HEG1: variants seen among roughly 807,000 people sequenced by gnomAD.
HEG1 encodes the protein protein HEG homolog 1.
In HEG1, 56 loss-of-function variants were observed where a neutral mutation model predicts 125.6. The ratio of observed to expected loss-of-function variants is 0.45; its 90% CI spans 0.36 to 0.56. The LOEUF is 0.56. HEG1 is among the 20% of genes least tolerant of loss of function. The probability of loss-of-function intolerance (pLI) is 0.00; values close to 1 mark genes in which losing one functional copy is unlikely to be tolerated. For missense variants in HEG1, 1,523 were observed against 1,670.0 expected, an observed-to-expected ratio of 0.91 and a Z score of 1.53; for synonymous variants, 644 against 668.5, an observed-to-expected ratio of 0.96 and a Z score of 0.57.
chr3:125,016,063 G>A (rs1937241859), intron 5 of HEG1, among the ~76,000 whole-genome samples: 1 of 152,216 alleles, frequency 6.6e-6, no homozygotes, highest in South Asian at 2.1e-4. Context: ...AACCAGGAGA[G>A]GCGCAAGAGC....
chr3:125,002,334 C>T lies in HEG1; in HGVS notation c.3298-19G>A, dbSNP rs1937013320. 4 of 1,608,034 alleles carry T rather than the reference C, an allele frequency of 2.5e-6. No homozygotes were observed. In the African/African-American group the frequency reaches 5.3e-5, roughly 21 times the overall value. On this transcript the variant is annotated intron_variant, in intron 9 of 16. Coordinates refer to ENST00000311127, the MANE Select transcript of HEG1 (RefSeq NM_020733.2). ...TATTTAACTGAAAGGAAGAACAAGC[C>T]TGTCGTTAACAGTGAGTTAGACAAA...
At position 125,027,497 on chromosome 3, in the gene HEG1, A is replaced by C. The variant is rs201295478; in HGVS notation, c.621T>G (p.Ser207Arg). 1 of 1,600,638 alleles carries C rather than the reference A, an allele frequency of 6.2e-7. No homozygotes were observed. The highest frequency in any genetic ancestry group is 8.5e-7 in the Non-Finnish European group (1 of 1,174,608). Residue 207 changes from serine to arginine, a missense_variant, in exon 3 of 17, where the codon AGT (serine) becomes AGG (arginine). Transcript: ENST00000311127. ...TSQSGNLASE[S>R]LHLPSSSSEF... Reference sequence around the variant, plus strand: ...CTGAACTGCTGGATGGCAGGTGAAGACTTTCTGAGGCTGAAAACAGACAAA... The same window carrying C: ...CTGAACTGCTGGATGGCAGGTGAAGCCTTTCTGAGGCTGAAAACAGACAAA...
chr3:125,030,793 C>G (rs1036921165), intron 1 of HEG1, among the ~76,000 whole-genome samples: 1 of 152,008 alleles, frequency 6.6e-6, no homozygotes, highest in Admixed American at 6.6e-5. Context: ...TTGCCCAAGT[C>G]GCACAGTCAA....
chr3:125,019,219 C>T lies in HEG1; in HGVS notation c.1588+43G>A, dbSNP rs1317646973. The T allele has an allele frequency of 5.3e-6, 8 of 1,505,824 alleles. No individual in the cohort carries two copies. In the South Asian group the frequency reaches 9.3e-5, roughly 18 times the overall value. The allele number at this position is 1,505,824 out of a possible 1,614,324, so 93.3% of individuals were successfully genotyped here. A position where few individuals can be genotyped will look rare whatever the true frequency, so the allele number is the denominator to read the frequency against. On this transcript the variant is annotated intron_variant, in intron 5 of 16. Coordinates refer to ENST00000311127, the MANE Select transcript of HEG1 (RefSeq NM_020733.2). ...GATTTCATAAGCATCATGAGTCCCTCTCTCCTCTATGGGGCACAGTTGCAT... is the reference window on the plus strand; with the variant it reads ...GATTTCATAAGCATCATGAGTCCCTTTCTCCTCTATGGGGCACAGTTGCAT...
intron 5 of HEG1, chr3:125,014,942 A>T (rs1287847581): frequency 2.0e-5 from 26 of 1,289,010 alleles, no homozygotes; most frequent in Non-Finnish European, 2.6e-5. Flanking sequence ...AGGGCACCCC[A>T]GAAGTCCTGT....
Position 125,030,807 on chromosome 3 carries a change from G to GC in HEG1, c.317-1320dup, listed in dbSNP as rs556228195. 7.9e-5 allele frequency among the ~76,000 whole-genome samples: 12 copies of GC among 152,182 alleles called. No homozygotes were observed. The South Asian group carries it at 2.5e-3, about 32-fold the overall frequency. The stretch of plus-strand genomic sequence containing the variant: ...CTTGCCCAAGTCGCACAGTCAAAAA[G>GC]CAGGAGGGCCAGGCAGCCTGCTCCA... On this transcript the variant is annotated intron_variant, in intron 1 of 16. Coordinates refer to ENST00000311127, the MANE Select transcript of HEG1 (RefSeq NM_020733.2).
At chr3:124,977,818 G>A in intron 15 of HEG1, 41 bp downstream of exon 15, 1 of 1,335,758 alleles carries the variant, frequency 7.5e-7, no homozygotes, top group South Asian at 1.3e-5. Flanking sequence ...GTATAGCACA[G>A]GCAAAGGAAC....
chr3:125,003,258 C>T (rs370992358), intron 9 of HEG1, among the ~76,000 whole-genome samples: 134 of 152,258 alleles, frequency 8.8e-4, no homozygotes, highest in Middle Eastern at 3.4e-3. Context: ...TGTTACATCA[C>T]CAGTAAATTA....
chr3:124,970,804 G>A lies in HEG1; in HGVS notation c.3997-3C>T, dbSNP rs1399270987. On this transcript the variant is annotated splice_region_variant and splice_polypyrimidine_tract_variant and intron_variant, in intron 16 of 16. Transcript: ENST00000311127. The stretch of plus-strand genomic sequence containing the variant: ...TCTGGATTCCTTACACTTGTAGGCT[G>A]GTTGCCAAAGAGAAAAGAAGAAAAG... 1 of 1,604,494 alleles carries A rather than the reference G, an allele frequency of 6.2e-7. No homozygotes were observed. Among genetic ancestry groups the A allele is most frequent in the South Asian group, 1.1e-5 (1 of 88,608 alleles).
At chr3:125,018,644 G>C (rs1937288195) in intron 5 of HEG1, among the ~76,000 whole-genome samples, 1 of 152,164 alleles carries the variant, frequency 6.6e-6, no homozygotes, top group African/African-American at 2.4e-5. Flanking sequence ...GACTGAGGCA[G>C]GTATGGAGTT....
chr3:125,022,927 C>T (rs745773691), intron 3 of HEG1, among the ~76,000 whole-genome samples: 1 of 152,196 alleles, frequency 6.6e-6, no homozygotes, highest in African/African-American at 2.4e-5. Context: ...GGTGCAGTGG[C>T]TCATGCCTGT....
chr3:124,981,468 G>A lies in HEG1; in HGVS notation c.3734-3522C>T, dbSNP rs930421417. Among the ~76,000 whole-genome samples, 3 of 152,232 alleles carry A rather than the reference G, an allele frequency of 2.0e-5. No homozygotes were observed. In the South Asian group the frequency reaches 6.2e-4, roughly 32 times the overall value. On this transcript the variant is annotated intron_variant, in intron 14 of 16. Transcript: ENST00000311127. ...CAAGTTGTGTAGCACTGGCATAGAC[G>A]AGGGCTTCTCAAACTCCCGTCTGCG...
Position 125,013,642 on chromosome 3 carries a change from G to C in HEG1, c.1937C>G (p.Ser646Trp). 6.2e-7 allele frequency: 1 copy of C among 1,611,412 alleles called. No homozygotes were observed. The highest frequency in any genetic ancestry group is 8.5e-7 in the Non-Finnish European group (1 of 1,178,746). Residue 646 changes from serine to tryptophan, a missense_variant, in exon 6 of 17, where the codon TCG becomes TGG. Ser to Trp is a radical substitution (Grantham distance 177). Coordinates refer to ENST00000311127, the MANE Select transcript of HEG1 (RefSeq NM_020733.2). ...YTPTINMPNTSVVLDTDAEFV... is the reference protein window; with the variant it reads ...YTPTINMPNTWVVLDTDAEFV... ...CTCAGCATCAGTGTCCAGAACAACC[G>C]AAGTGTTCGGCATATTAATGGTGGG... is the stretch of plus-strand genomic sequence containing the variant.
intron 1 of HEG1, among the ~76,000 whole-genome samples, chr3:125,033,036 T>C (rs1040236476): frequency 6.6e-6 from 1 of 152,064 alleles, no homozygotes; most frequent in Non-Finnish European, 1.5e-5. Flanking sequence ...GAGGGGTGAC[T>C]AAAGATGTAA....
At chr3:125,050,635 T>A (rs1937783950) in intron 1 of HEG1, among the ~76,000 whole-genome samples, 1 of 152,226 alleles carries the variant, frequency 6.6e-6, no homozygotes. Context: ...CAGTTGTGAA[T>A]CACTCATGCA....
rs764354691 is a variant in HEG1, at chr3:125,029,266, T to G, written c.539A>C (p.Asn180Thr). 1.2e-6 allele frequency: 2 copies of G among 1,613,522 alleles called. No individual in the cohort carries two copies. The highest frequency in any genetic ancestry group is 2.7e-5 in the African/African-American group (2 of 74,910). The change falls in exon 2 of 17, where the codon AAC becomes ACC. Residue 180 changes from asparagine to threonine, a missense_variant. Physicochemically the swap from Asn to Thr is moderately conservative, Grantham distance 65. Coordinates refer to ENST00000311127, the MANE Select transcript of HEG1 (RefSeq NM_020733.2). ...GTACCCAACAGGCAAAATGGTGAAGTTTGTTCTACTTGAAGAGCCGCTCCT... is the reference window on the plus strand; with the variant it reads ...GTACCCAACAGGCAAAATGGTGAAGGTTGTTCTACTTGAAGAGCCGCTCCT... The part of the protein sequence containing the change: ...RGRSGSSSRT[N>T]FTILPVGYSL...
chr3:124,987,952 C>CACACACACACACACACACACACATAT lies in HEG1; in HGVS notation c.3733+2834_3733+2835insATATGTGTGTGTGTGTGTGTGTGTGT. 1.3e-4 allele frequency among the ~76,000 whole-genome samples: 7 copies of CACACACACACACACACACACACATAT among 54,702 alleles called. 1 individual carries two copies. Among genetic ancestry groups the CACACACACACACACACACACACATAT allele is most frequent in the South Asian group, 1.9e-3 (2 of 1,026 alleles). The allele number at this position is 54,702 out of a possible 152,430, so 35.9% of individuals were successfully genotyped here. On this transcript the variant is annotated intron_variant, in intron 14 of 16. Transcript: ENST00000311127. ...ACACACACACACACACACACACACA[C>CACACACACACACACACACACACATAT]ATATATATATATATATATATATACC...
At position 125,021,045 on chromosome 3, in the gene HEG1, G is replaced by C; in HGVS notation, c.999C>G (p.Thr333=). The change falls in exon 4 of 17, where the codon ACC becomes ACG. Residue 333 remains threonine, a synonymous_variant. Coordinates refer to ENST00000311127, the MANE Select transcript of HEG1 (RefSeq NM_020733.2). Reference sequence around the variant, plus strand: ...TTCTCGGGCCACCATCAGTGAACACGGTGGCAACATGCATTGTCTTTGTTT... The same window carrying C: ...TTCTCGGGCCACCATCAGTGAACACCGTGGCAACATGCATTGTCTTTGTTT... ...VSQTKTMHVA[T]VFTDGGPRTL... 6.2e-7 allele frequency: 1 copy of C among 1,611,332 alleles called. No individual in the cohort carries two copies. Among genetic ancestry groups the C allele is most frequent in the Non-Finnish European group, 8.5e-7 (1 of 1,178,704 alleles).
chr3:125,052,602 A>G (rs954677136), intron 1 of HEG1, among the ~76,000 whole-genome samples: 15 of 152,226 alleles, frequency 9.9e-5, no homozygotes, highest in African/African-American at 3.6e-4. Flanking sequence ...CACAAAATTA[A>G]GGCATATAAA....
Sources: gnomAD v4.1 joint callset for allele counts (sites outside exome capture counted in the v4.1 genomes callset) on GRCh38, gnomAD v4.1.1 for gene constraint, MANE v1.5 for transcripts, NCBI Gene and HGNC (gene_info 2026-07-23, HGNC 2026-07-21) for gene names.